Variants in OCA2 observed in about 807,000 individuals in gnomAD.
OCA2 encodes P protein.
In OCA2, 77 loss-of-function variants were observed where a neutral mutation model predicts 100.2. That is an observed-to-expected ratio of 0.77 (90% CI 0.64 to 0.93). OCA2 has a LOEUF of 0.93. Ranked by LOEUF, OCA2 falls within the 40% of genes least tolerant of loss-of-function variation. The pLI, the probability that OCA2 is intolerant of heterozygous loss-of-function variation, is 0.00. For missense variants in OCA2, 1,062 were observed against 1,089.1 expected (o/e 0.98, Z 0.35); for synonymous variants, 432 against 439.2 (o/e 0.98, Z 0.21).
At chr15:27,833,021 G>A (rs548853559) in intron 23 of OCA2, among the ~76,000 whole-genome samples, 25 of 151,962 alleles carry the variant, frequency 1.6e-4, no homozygotes, top group Middle Eastern at 3.4e-3. Flanking sequence ...TCACCATGTT[G>A]GCAAGGCTGG....
intron 19 of OCA2, chr15:27,896,442 C>T (rs1009583484): frequency 3.0e-6 from 2 of 668,970 alleles, no homozygotes; most frequent in Non-Finnish European, 5.4e-6. Context: ...ATGAGAGAAT[C>T]CCATCTAGGA....
the OCA2 span, among the ~76,000 whole-genome samples, chr15:27,723,152 T>C: frequency 6.6e-6 from 1 of 152,276 alleles, no homozygotes; most frequent in East Asian, 1.9e-4. Context: ...CCCTGTTTTA[T>C]ATTTCACAGC....
chr15:27,968,593 C>T lies in OCA2; in HGVS notation c.1504-1771G>A, dbSNP rs184848923. Among the ~76,000 whole-genome samples, 12 of 152,274 alleles carry T rather than the reference C, an allele frequency of 7.9e-5. No individual in the cohort carries two copies. In the East Asian group the frequency reaches 1.9e-3, roughly 24 times the overall value. On this transcript the variant is annotated intron_variant, in intron 14 of 23. Transcript: ENST00000354638. ...AGAAAATATGTGAAATCACTTTCAA[C>T]ATTATTAAAGATACAACACAACTAG...
chr15:27,819,970 G>A (rs760256394), intron 23 of OCA2, among the ~76,000 whole-genome samples: 22 of 152,214 alleles, frequency 1.4e-4, no homozygotes, highest in East Asian at 9.7e-4. Flanking sequence ...AAGGGCTCAC[G>A]GAAAGAAAAA....
chr15:27,895,892 G>T (rs1195810264), intron 19 of OCA2: 1 of 579,692 alleles, frequency 1.7e-6, no homozygotes, highest in East Asian at 3.0e-5. Context: ...TATTTATCAG[G>T]TTGCTTATGC....
intron 19 of OCA2, among the ~76,000 whole-genome samples, chr15:27,915,313 G>A (rs907258327): frequency 5.3e-5 from 8 of 152,066 alleles, no homozygotes; most frequent in Non-Finnish European, 7.4e-5. Flanking sequence ...AAGATTTCAC[G>A]ACAAAGACCC....
chr15:28,041,324 A>T (rs927779054), intron 2 of OCA2, among the ~76,000 whole-genome samples: 3 of 101,354 alleles, frequency 3.0e-5, no homozygotes, highest in Non-Finnish European at 5.4e-5. Flanking sequence ...TCATGATTAA[A>T]AAAAAAAAAA....
At chr15:28,029,488 G>A (rs2042852077) in intron 3 of OCA2, among the ~76,000 whole-genome samples, 1 of 151,926 alleles carries the variant, frequency 6.6e-6, no homozygotes, top group Non-Finnish European at 1.5e-5. Context: ...CTGTGCAATA[G>A]AACTTTCTGT....
intron 2 of OCA2, among the ~76,000 whole-genome samples, chr15:28,073,609 G>A (rs1047337930): frequency 6.6e-6 from 1 of 152,044 alleles, no homozygotes; most frequent in Admixed American, 6.6e-5. Flanking sequence ...GATGAAGGAA[G>A]GGGGAGTGGG....
intron 18 of OCA2, among the ~76,000 whole-genome samples, chr15:27,932,947 T>C (rs2039308216): frequency 6.6e-6 from 1 of 150,560 alleles, no homozygotes; most frequent in African/African-American, 2.5e-5. Context: ...AAATGTTCAG[T>C]GTTCAACCAA....
chr15:28,053,209 T>C (rs2043572039), intron 2 of OCA2, among the ~76,000 whole-genome samples: 1 of 152,050 alleles, frequency 6.6e-6, no homozygotes, highest in African/African-American at 2.4e-5. Context: ...TTACAGTCAT[T>C]GGTACCTTTC....
At chr15:27,813,176 G>A (rs2034147842) in intron 23 of OCA2, among the ~76,000 whole-genome samples, 1 of 152,130 alleles carries the variant, frequency 6.6e-6, no homozygotes, top group African/African-American at 2.4e-5. Flanking sequence ...GAGTGTGAGA[G>A]CAAAGGGCAG....
intron 9 of OCA2, 103 bp downstream of exon 9, chr15:28,014,673 T>C: frequency 7.9e-7 from 1 of 1,267,000 alleles, no homozygotes; most frequent in Non-Finnish European, 1.1e-6. Context: ...CTAGTCCAGT[T>C]TGATTAAGGA....
chr15:27,883,629 G>C lies in OCA2; in HGVS notation c.2080-11707C>G, dbSNP rs189698635. On this transcript the variant is annotated intron_variant, in intron 19 of 23. Coordinates refer to ENST00000354638, the MANE Select transcript of OCA2 (RefSeq NM_000275.3). ...CTCTGGATAAGGAGGAAAGGGCGCA[G>C]GGCTGCCTGCCTTCAGCCGGCATTT... Among the ~76,000 whole-genome samples, 7 of 152,274 alleles carry C rather than the reference G, an allele frequency of 4.6e-5. No homozygotes were observed. The East Asian group carries it at 1.4e-3, about 29-fold the overall frequency.
intron 23 of OCA2, among the ~76,000 whole-genome samples, chr15:27,814,232 A>G: frequency 6.6e-6 from 1 of 152,126 alleles, no homozygotes. Context: ...ACAAGAAAAA[A>G]CACAGAATTT....
intron 23 of OCA2, among the ~76,000 whole-genome samples, chr15:27,799,016 T>C (rs2033470880): frequency 6.6e-6 from 1 of 152,228 alleles, no homozygotes; most frequent in South Asian, 2.1e-4. Flanking sequence ...AATTGGATCT[T>C]AAGAAAGCCA....
At chr15:27,784,162 T>C (rs1379352049) in intron 23 of OCA2, among the ~76,000 whole-genome samples, 1 of 152,150 alleles carries the variant, frequency 6.6e-6, no homozygotes, top group Non-Finnish European at 1.5e-5. Flanking sequence ...GGCAGGAGCA[T>C]AGAGGAAGGC....
At chr15:27,767,928 A>G (rs543449847) in intron 23 of OCA2, among the ~76,000 whole-genome samples, 11 of 152,362 alleles carry the variant, frequency 7.2e-5, no homozygotes, top group Admixed American at 2.6e-4. Flanking sequence ...GAGGGGTCGC[A>G]TGACAATGGC....
At chr15:27,826,762 C>T (rs74505882) in intron 23 of OCA2, among the ~76,000 whole-genome samples, 76,238 of 151,496 alleles carry the variant, frequency 0.5, 19,718 homozygotes, top group South Asian at 0.76. Context: ...CGGCCTAAGG[C>T]ATCGAGACTC....
Sources: gnomAD v4.1 joint callset for allele counts (sites outside exome capture counted in the v4.1 genomes callset) on GRCh38, gnomAD v4.1.1 for gene constraint, MANE v1.5 for transcripts, NCBI Gene and HGNC (gene_info 2026-07-23, HGNC 2026-07-21) for gene names.